The following NCKAP5 variants were observed in gnomAD, a reference collection of about 807,000 sequenced individuals.
NCKAP5 encodes NCK associated protein 5.
In NCKAP5, 92 loss-of-function variants were observed where a neutral mutation model predicts 167.0. The observed-to-expected ratio is 0.55, with a 90% confidence interval of 0.47 to 0.66. NCKAP5 has a LOEUF of 0.66. Among genes scored for constraint, NCKAP5 ranks in the 30% least tolerant of loss-of-function variants. NCKAP5 has a pLI of 0.00. For missense variants in NCKAP5, 2,378 were observed against 2,315.0 expected (o/e 1.03, Z -0.56); for synonymous variants, 891 against 877.4 (o/e 1.02, Z -0.27).
chr2:133,138,901 G>A (rs1374290430), intron 5 of NCKAP5, among the ~76,000 whole-genome samples: 1 of 152,158 alleles, frequency 6.6e-6, no homozygotes, highest in East Asian at 1.9e-4. Flanking sequence ...CCCCCTGCAT[G>A]AGCTGTGCAG....
chr2:132,932,415 G>T (rs1422553768), intron 8 of NCKAP5, among the ~76,000 whole-genome samples: 1 of 152,100 alleles, frequency 6.6e-6, no homozygotes, highest in Non-Finnish European at 1.5e-5. Context: ...CATCAAGTTA[G>T]AGACAGGGAA....
At position 133,568,351 on chromosome 2, in the gene NCKAP5, A is replaced by C. The variant is rs1688715773; in HGVS notation, c.-265T>G. Reference sequence around the variant, plus strand: ...TTTTGAAGCATTCAAAGGCCACGCTAACAGAACAGACTCGGTTTTCCTGAA... The same window carrying C: ...TTTTGAAGCATTCAAAGGCCACGCTCACAGAACAGACTCGGTTTTCCTGAA... On this transcript the variant is annotated 5_prime_UTR_variant, in exon 1 of 20. It introduces an in-frame stop codon into an upstream open reading frame of the 5' UTR. Transcript: ENST00000409261. 1 of 152,204 alleles carries C rather than the reference A, an allele frequency of 6.6e-6. No individual in the cohort carries two copies. The highest frequency in any genetic ancestry group is 2.4e-5 in the African/African-American group (1 of 41,432). The allele number at this position is 152,204 out of a possible 1,614,324, so 9.4% of individuals were successfully genotyped here. A position where few individuals can be genotyped will look rare whatever the true frequency, so the allele number is the denominator to read the frequency against.
chr2:132,972,338 C>T (rs2076859048), intron 7 of NCKAP5, among the ~76,000 whole-genome samples: 1 of 152,182 alleles, frequency 6.6e-6, no homozygotes, highest in African/African-American at 2.4e-5. Context: ...CTTTCAGTGG[C>T]TTCTAGAGCA....
chr2:132,724,159 C>A (rs2105417309), intron 19 of NCKAP5, among the ~76,000 whole-genome samples: 1 of 152,322 alleles, frequency 6.6e-6, no homozygotes, highest in African/African-American at 2.4e-5. Context: ...AAGTCGCTTT[C>A]TTGGTGAGGC....
At chr2:133,043,044 A>G (rs13003561) in intron 6 of NCKAP5, among the ~76,000 whole-genome samples, 55 of 152,258 alleles carry the variant, frequency 3.6e-4, no homozygotes, top group Non-Finnish European at 6.8e-4. Context: ...ACACAGAAAG[A>G]CCTGCCTTCC....
At chr2:133,510,657 G>T (rs1683413470) in intron 3 of NCKAP5, among the ~76,000 whole-genome samples, 1 of 152,218 alleles carries the variant, frequency 6.6e-6, no homozygotes, top group Admixed American at 6.5e-5. Context: ...AATGCACATG[G>T]TCTAGTCCTG....
chr2:133,307,074 C>T (rs957224214), intron 3 of NCKAP5, among the ~76,000 whole-genome samples: 14 of 152,232 alleles, frequency 9.2e-5, no homozygotes, highest in Admixed American at 8.5e-4. Context: ...CTTCCTACCT[C>T]ATTCAGCACA....
At chr2:133,649,766 C>T in the NCKAP5 span, among the ~76,000 whole-genome samples, 2 of 152,078 alleles carry the variant, frequency 1.3e-5, no homozygotes, top group East Asian at 3.9e-4. Context: ...GTGTGAAAAG[C>T]CCATGACCAA....
rs1341076605 is a variant in NCKAP5, at chr2:132,746,371, TCTCACAC to T, written c.5129-14327_5129-14321del. On this transcript the variant is annotated intron_variant, in intron 16 of 19. Transcript: ENST00000409261. ...TCATCTGAAGAAAAGTAAACCCTTT[TCTCACAC>T]TGTATATAAAAATTAACACATAAAC... is the stretch of plus-strand genomic sequence containing the variant. Among the ~76,000 whole-genome samples the T allele has an allele frequency of 3.4e-3, 521 of 152,198 alleles. 5 individuals are homozygous for T. Among genetic ancestry groups the T allele is most frequent in the African/African-American group, 0.012 (489 of 41,556 alleles).
chr2:133,342,088 G>A (rs1467610160), intron 3 of NCKAP5, among the ~76,000 whole-genome samples: 16 of 151,994 alleles, frequency 1.1e-4, no homozygotes, highest in South Asian at 4.2e-4. Context: ...ACAGGTGCCC[G>A]CCACCATGCC....
intron 19 of NCKAP5, among the ~76,000 whole-genome samples, chr2:132,714,685 C>T (rs929996538): frequency 2.6e-5 from 4 of 151,944 alleles, no homozygotes; most frequent in East Asian, 3.9e-4. Context: ...GGCATGGTGG[C>T]GCATGCCTCT....
chr2:133,330,244 A>ATTTTTTTTTTTTTTTTTTTTTTTTTT (rs765058418), intron 3 of NCKAP5, among the ~76,000 whole-genome samples: 1 of 88,168 alleles, frequency 1.1e-5, no homozygotes, highest in Non-Finnish European at 2.1e-5. Context: ...TATTTTTTGT[A>ATTTTTTTTTTTTTTTTTTTTTTTTTT]TTTTTTTTTT....
At chr2:133,313,253 G>A (rs376478457) in intron 3 of NCKAP5, among the ~76,000 whole-genome samples, 7 of 152,274 alleles carry the variant, frequency 4.6e-5, no homozygotes, top group African/African-American at 1.7e-4. Context: ...ATCAAGAAAT[G>A]AGTTTTCAAA....
At chr2:133,093,577 A>C (rs2081256634) in intron 6 of NCKAP5, among the ~76,000 whole-genome samples, 1 of 152,212 alleles carries the variant, frequency 6.6e-6, no homozygotes, top group South Asian at 2.1e-4. Flanking sequence ...ATGTCTACAC[A>C]GAACCGCTTC....
intron 6 of NCKAP5, among the ~76,000 whole-genome samples, chr2:133,116,089 G>A (rs1360343559): frequency 6.6e-6 from 1 of 151,754 alleles, no homozygotes; most frequent in East Asian, 1.9e-4. Flanking sequence ...AAGTAATTCT[G>A]GAAAAGGGCA....
intron 6 of NCKAP5, among the ~76,000 whole-genome samples, chr2:133,104,923 C>T (rs933725889): frequency 1.3e-5 from 2 of 152,282 alleles, no homozygotes; most frequent in African/African-American, 2.4e-5. Context: ...TGCTATTAAC[C>T]TTCCTTGTGA....
At chr2:132,757,227 A>G (rs1680625832) in intron 16 of NCKAP5, among the ~76,000 whole-genome samples, 2 of 152,330 alleles carry the variant, frequency 1.3e-5, no homozygotes, top group South Asian at 2.1e-4. Flanking sequence ...CAGCGATAAG[A>G]TGATTGCTAA....
At chr2:133,233,800 T>C (rs1385470676) in intron 4 of NCKAP5, among the ~76,000 whole-genome samples, 1 of 152,220 alleles carries the variant, frequency 6.6e-6, no homozygotes, top group African/African-American at 2.4e-5. Flanking sequence ...TTTTTATAGA[T>C]GAGGAATCAG....
chr2:132,802,729 A>C (rs922464021), intron 11 of NCKAP5, among the ~76,000 whole-genome samples: 1 of 152,192 alleles, frequency 6.6e-6, no homozygotes, highest in Non-Finnish European at 1.5e-5. Flanking sequence ...GGATCTCCAA[A>C]AGGAAGGTGC....
Sources: allele counts gnomAD v4.1 joint callset (sites outside exome capture counted in the v4.1 genomes callset), GRCh38; gene constraint gnomAD v4.1.1; transcripts MANE v1.5; gene names NCBI Gene and HGNC (gene_info 2026-07-23, HGNC 2026-07-21).